MAMDC2: variants seen among roughly 807,000 people sequenced by gnomAD.
MAMDC2 encodes MAM domain containing 2, also known as MAM domain-containing protein 2.
Under a neutral mutation model 89.8 loss-of-function variants are expected in MAMDC2, and 57 were observed. The observed-to-expected ratio is 0.63, with a 90% CI of 0.51 to 0.79. MAMDC2 has a LOEUF of 0.79. Among genes scored for constraint, MAMDC2 ranks in the 30% least tolerant of loss-of-function variants. MAMDC2 has a pLI of 0.00. For synonymous variants in MAMDC2, 313 were observed against 293.4 expected, an observed-to-expected ratio of 1.07 and a Z score of -0.68; for missense variants, 800 against 820.6, an observed-to-expected ratio of 0.97 and a Z score of 0.31.
intron 11 of MAMDC2, chr9:70,175,940 A>G (rs2032485829): frequency 6.6e-6 from 1 of 152,162 alleles, no homozygotes; most frequent in South Asian, 2.1e-4. Context: ...CACCCTAACA[A>G]TCCCATTGTG....
chr9:70,087,587 G>A lies in MAMDC2; in HGVS notation c.149-20624G>A, dbSNP rs573873857. ...CCTGGACCAATCACTGTGGCAAAGG[G>A]TTTGGATGATCTGATTGGTCAAGCC... is the stretch of plus-strand genomic sequence containing the variant. On this transcript the variant is annotated intron_variant, in intron 2 of 13. Transcript: ENST00000377182. 2.6e-5 allele frequency: 4 copies of A among 152,268 alleles called. No homozygotes were observed. The East Asian group carries it at 7.7e-4, about 29-fold the overall frequency. The allele number at this position is 152,268 out of a possible 1,614,324, so 9.4% of individuals were successfully genotyped here. A position where few individuals can be genotyped will look rare whatever the true frequency, so the allele number is the denominator to read the frequency against.
intron 4 of MAMDC2, among the ~76,000 whole-genome samples, chr9:70,112,337 C>T (rs1828532520): frequency 6.6e-6 from 1 of 152,168 alleles, no homozygotes; most frequent in African/African-American, 2.4e-5. Context: ...ATTATCTTCT[C>T]TCTCTTCTCT....
At chr9:70,212,234 T>C (rs1204197057) in intron 11 of MAMDC2, among the ~76,000 whole-genome samples, 2 of 152,242 alleles carry the variant, frequency 1.3e-5, no homozygotes, top group Non-Finnish European at 2.9e-5. Context: ...AGGTGGAGTC[T>C]ACAGAGGCAG....
At chr9:70,219,707 A>G (rs1484235435) in intron 12 of MAMDC2, among the ~76,000 whole-genome samples, 1 of 152,210 alleles carries the variant, frequency 6.6e-6, no homozygotes, top group African/African-American at 2.4e-5. Flanking sequence ...ATAAACACCT[A>G]GACATTTGGC....
At chr9:70,126,029 A>C in intron 5 of MAMDC2, 130 bp from the exon 6 acceptor site, 2 of 984,046 alleles carry the variant, frequency 2.0e-6, no homozygotes, top group Non-Finnish European at 3.0e-6. Context: ...TGTCAGCTGT[A>C]ACTCATCCAC....
In MAMDC2 at chr9:70,168,794, A is replaced by G; in HGVS notation, c.1497A>G (p.Ser499=). Residue 499 remains serine (S), a splice_region_variant and synonymous_variant, in exon 10 of 14, where the codon TCA becomes TCG. Coordinates refer to ENST00000377182, the MANE Select transcript of MAMDC2 (RefSeq NM_153267.5). ...ITIQLGSCSS[S]EKLPPPPGEC... ...TACAATTGGGAAGCTGCTCATCTTC[A>G]GGTAAGACGGCAATCATTTTAGCTC... 6.2e-7 allele frequency: 1 copy of G among 1,612,068 alleles called. No homozygotes were observed. The highest frequency in any genetic ancestry group is 1.7e-4 in the Middle Eastern group (1 of 6,054).
intron 2 of MAMDC2, among the ~76,000 whole-genome samples, chr9:70,071,362 A>G (rs900377552): frequency 1.3e-5 from 2 of 152,042 alleles, no homozygotes; most frequent in Admixed American, 6.5e-5. Flanking sequence ...TTTTTTTTCC[A>G]TGCAAGTAGA....
intron 12 of MAMDC2, among the ~76,000 whole-genome samples, chr9:70,224,643 A>G (rs2033616285): frequency 6.6e-6 from 1 of 152,118 alleles, no homozygotes; most frequent in African/African-American, 2.4e-5. Context: ...GATGGTCCCC[A>G]CTCACATTGG....
intron 4 of MAMDC2, among the ~76,000 whole-genome samples, chr9:70,111,686 C>T (rs555662191): frequency 1.3e-5 from 2 of 152,174 alleles, no homozygotes; most frequent in African/African-American, 2.4e-5. Flanking sequence ...TCAGTGCTTG[C>T]TAATGTAAAA....
chr9:70,044,336 G>C, intron 1 of MAMDC2, 105 bp downstream of exon 1: 1 of 1,291,530 alleles, frequency 7.7e-7, no homozygotes, highest in Non-Finnish European at 1.1e-6. Flanking sequence ...GGCCATCCGA[G>C]GGCGCCTCCT....
intron 9 of MAMDC2, among the ~76,000 whole-genome samples, chr9:70,165,077 A>G (rs1352275734): frequency 6.6e-6 from 1 of 152,038 alleles, no homozygotes; most frequent in African/African-American, 2.4e-5. Context: ...TACTGCCTAC[A>G]ATGAAATAAA....
rs144933840 is a variant in MAMDC2, at chr9:70,047,594, GTC to G, written c.148+2899_148+2900del. ...ATATGTGCTACATTTTCTTTATCCA[GTC>G]TATCACTGATGGGCATTTGGGTTGG... On this transcript the variant is annotated intron_variant, in intron 2 of 13. Coordinates refer to ENST00000377182, the MANE Select transcript of MAMDC2 (RefSeq NM_153267.5). Among the ~76,000 whole-genome samples, 921 of 152,252 alleles carry G rather than the reference GTC, an allele frequency of 6.0e-3. 14 individuals carry two copies. Among genetic ancestry groups the G allele is most frequent in the African/African-American group, 0.021 (889 of 41,536 alleles).
chr9:70,174,764 G>A lies in MAMDC2; in HGVS notation c.1651+4133G>A, dbSNP rs1389546452. 8.1e-5 allele frequency among the ~76,000 whole-genome samples: 12 copies of A among 147,338 alleles called. No individual in the cohort carries two copies. In the South Asian group the frequency reaches 8.6e-4, roughly 11 times the overall value. On this transcript the variant is annotated intron_variant, in intron 11 of 13. Coordinates refer to ENST00000377182, the MANE Select transcript of MAMDC2 (RefSeq NM_153267.5). ...TTCCGAGATAGAGTCTTGCTGTGTCGCCCAGGCTGGAGTGCTGTGGTGTGA... is the reference window on the plus strand; with the variant it reads ...TTCCGAGATAGAGTCTTGCTGTGTCACCCAGGCTGGAGTGCTGTGGTGTGA...
intron 11 of MAMDC2, among the ~76,000 whole-genome samples, chr9:70,215,479 T>TA (rs1417737995): frequency 2.6e-5 from 4 of 152,270 alleles, no homozygotes; most frequent in Non-Finnish European, 5.9e-5. Flanking sequence ...AAATGTAACA[T>TA]ACCAGATCAA....
At chr9:70,077,671 G>A (rs1388907094) in intron 2 of MAMDC2, among the ~76,000 whole-genome samples, 1 of 152,168 alleles carries the variant, frequency 6.6e-6, no homozygotes, top group Non-Finnish European at 1.5e-5. Context: ...TGTCATGTTA[G>A]TGCTGTATGC....
chr9:70,106,988 G>C (rs1828359074), intron 2 of MAMDC2, among the ~76,000 whole-genome samples: 2 of 152,154 alleles, frequency 1.3e-5, no homozygotes, highest in African/African-American at 4.8e-5. Context: ...GCAAAACAAA[G>C]AGGCTTTTCA....
chr9:70,049,848 T>C (rs1486952177), intron 2 of MAMDC2, among the ~76,000 whole-genome samples: 1 of 152,208 alleles, frequency 6.6e-6, no homozygotes, highest in Non-Finnish European at 1.5e-5. Context: ...GCAGCCTTGC[T>C]TCTGCCTTGC....
intron 2 of MAMDC2, among the ~76,000 whole-genome samples, chr9:70,105,031 C>T (rs1828299746): frequency 6.6e-6 from 1 of 152,038 alleles, no homozygotes; most frequent in Non-Finnish European, 1.5e-5. Context: ...TTCGTTAATT[C>T]ACTCGGTGGT....
intron 2 of MAMDC2, chr9:70,083,665 A>T (rs1299409450): frequency 3.3e-5 from 5 of 150,724 alleles, no homozygotes; most frequent in East Asian, 1.9e-4. Flanking sequence ...TCCTCTTTGC[A>T]TGCTTACGCA....
Sources: allele counts gnomAD v4.1 joint callset (sites outside exome capture counted in the v4.1 genomes callset), GRCh38; gene constraint gnomAD v4.1.1; transcripts MANE v1.5; gene names NCBI Gene and HGNC (gene_info 2026-07-23, HGNC 2026-07-21).